MEIS2: variants seen among roughly 807,000 people sequenced by gnomAD.
The protein encoded by MEIS2 is Meis homeobox 2.
MEIS2 carries 9 observed loss-of-function variants against 58.6 expected under a neutral mutation model. That is an observed-to-expected ratio of 0.15 (90% CI 0.09 to 0.27). MEIS2 has a LOEUF of 0.27. Among genes scored for constraint, MEIS2 ranks in the 10% least tolerant of loss-of-function variants. The pLI, the probability that MEIS2 is intolerant of heterozygous loss-of-function variation, is 1.00. For missense variants in MEIS2, 427 were observed against 635.0 expected, an observed-to-expected ratio of 0.67 and a Z score of 3.52; for synonymous variants, 221 against 228.4, an observed-to-expected ratio of 0.97 and a Z score of 0.29.
In MEIS2 at chr15:37,031,283, G is replaced by A. The variant is rs183441743; in HGVS notation, c.900+5531C>T. Reference sequence around the variant, plus strand: ...TTCCAGGCCCTGTGCTCTTAACCTCGACATTGGACTGCCTCATTTAAGAAA... The same window carrying A: ...TTCCAGGCCCTGTGCTCTTAACCTCAACATTGGACTGCCTCATTTAAGAAA... On this transcript the variant is annotated intron_variant, in intron 8 of 11. Coordinates refer to ENST00000561208, the MANE Select transcript of MEIS2 (RefSeq NM_170675.5). Among the ~76,000 whole-genome samples, 126 of 152,150 alleles carry A rather than the reference G, an allele frequency of 8.3e-4. 1 individual carries two copies. In the East Asian group the frequency reaches 0.014, roughly 17 times the overall value.
intron 3 of MEIS2, 59 bp from the exon 4 acceptor site, chr15:37,095,673 A>C: frequency 2.5e-6 from 4 of 1,613,058 alleles, no homozygotes; most frequent in Non-Finnish European, 3.4e-6. Context: ...GAAAGCTGAA[A>C]TGTGAGAATG....
chr15:36,901,462 A>G (rs1049925541), intron 9 of MEIS2, among the ~76,000 whole-genome samples: 8 of 152,224 alleles, frequency 5.3e-5, no homozygotes, highest in African/African-American at 1.9e-4. Context: ...TGATGGAGTC[A>G]TGTCGCAGAC....
intron 8 of MEIS2, among the ~76,000 whole-genome samples, chr15:36,998,236 G>GTTTTTTTTTTTTTTTTTTTTTTTTTTTT (rs5811954): frequency 3.0e-5 from 2 of 66,754 alleles, no homozygotes; most frequent in Non-Finnish European, 5.4e-5. Context: ...AAAACACAAA[G>GTTTTTTTTTTTTTTTTTTTTTTTTTTTT]TTTTTTTTTT....
intron 8 of MEIS2, among the ~76,000 whole-genome samples, chr15:36,994,649 A>G (rs551695943): frequency 6.6e-6 from 1 of 152,280 alleles, no homozygotes; most frequent in East Asian, 1.9e-4. Flanking sequence ...ATCCTATCCC[A>G]TCATGGAAAA....
intron 8 of MEIS2, among the ~76,000 whole-genome samples, chr15:36,997,500 T>C (rs1303216549): frequency 6.6e-6 from 1 of 151,774 alleles, no homozygotes; most frequent in Non-Finnish European, 1.5e-5. Context: ...TTTTTTTTTT[T>C]TTTTGAGACA....
chr15:36,998,421 C>T (rs961832343), intron 8 of MEIS2, among the ~76,000 whole-genome samples: 1 of 151,540 alleles, frequency 6.6e-6, no homozygotes, highest in Admixed American at 6.6e-5. Flanking sequence ...GGGTCTCGCT[C>T]TGTTGCTCAG....
At chr15:36,952,804 C>T (rs984163881) in intron 8 of MEIS2, among the ~76,000 whole-genome samples, 2 of 151,838 alleles carry the variant, frequency 1.3e-5, no homozygotes, top group African/African-American at 2.4e-5. Flanking sequence ...TAATTCTTTC[C>T]AGTGTTTTAT....
At position 37,056,162 on chromosome 15, in the gene MEIS2, T is replaced by A. The variant is rs1034495787; in HGVS notation, c.755-19203A>T. ...AACTGCATCAATTTTCTATAGAGAGTCTTTCTTCATGTTGAGAATAAAAAT... is the reference window on the plus strand; with the variant it reads ...AACTGCATCAATTTTCTATAGAGAGACTTTCTTCATGTTGAGAATAAAAAT... On this transcript the variant is annotated intron_variant, in intron 7 of 11. Coordinates refer to ENST00000561208, the MANE Select transcript of MEIS2 (RefSeq NM_170675.5). Among the ~76,000 whole-genome samples the A allele has an allele frequency of 2.0e-5, 3 of 152,170 alleles. No homozygotes were observed. The South Asian group carries it at 6.2e-4, about 32-fold the overall frequency.
intron 7 of MEIS2, among the ~76,000 whole-genome samples, chr15:37,058,573 A>G (rs1212799372): frequency 6.6e-6 from 1 of 152,208 alleles, no homozygotes; most frequent in African/African-American, 2.4e-5. Context: ...AGGTTGTATC[A>G]TGTGATCTGT....
chr15:37,098,371 GGAGAGGGGGA>G (rs1197231195), intron 1 of MEIS2, 172 bp from the exon 2 acceptor site: 1 of 719,002 alleles, frequency 1.4e-6, no homozygotes, highest in Non-Finnish European at 1.7e-6. Context: ...AGGAAAAGGA[GGAGAGGGGGA>G]GAGAGAGAGA....
intron 8 of MEIS2, among the ~76,000 whole-genome samples, chr15:37,012,458 A>C (rs1167940372): frequency 1.3e-5 from 2 of 152,212 alleles, no homozygotes; most frequent in Non-Finnish European, 2.9e-5. Context: ...CATGCATCCT[A>C]TTCATAGGCC....
intron 8 of MEIS2, among the ~76,000 whole-genome samples, chr15:36,999,055 A>G (rs1022640605): frequency 5.3e-5 from 8 of 152,170 alleles, no homozygotes; most frequent in African/African-American, 1.9e-4. Context: ...GTCCTCAATC[A>G]ATTCATCATT....
At chr15:37,040,047 GTT>G (rs11393172) in intron 7 of MEIS2, among the ~76,000 whole-genome samples, 2 of 145,096 alleles carry the variant, frequency 1.4e-5, no homozygotes, top group Non-Finnish European at 1.5e-5. Context: ...GGATATTGGT[GTT>G]TTTTTTTTTT....
intron 8 of MEIS2, among the ~76,000 whole-genome samples, chr15:37,004,048 T>C (rs1162494219): frequency 1.3e-5 from 2 of 152,194 alleles, no homozygotes; most frequent in African/African-American, 4.8e-5. Flanking sequence ...AGATGAAATG[T>C]AAATGAGCAA....
At chr15:36,991,060 T>C (rs1050134583) in intron 8 of MEIS2, among the ~76,000 whole-genome samples, 14 of 152,186 alleles carry the variant, frequency 9.2e-5, no homozygotes, top group African/African-American at 2.7e-4. Flanking sequence ...TGTTAAAATA[T>C]ATTATTTAAC....
At chr15:36,960,789 A>G (rs897141239) in intron 8 of MEIS2, among the ~76,000 whole-genome samples, 9 of 152,196 alleles carry the variant, frequency 5.9e-5, no homozygotes, top group African/African-American at 2.2e-4. Context: ...TCTGACTTTT[A>G]AAAACACATG....
chr15:36,946,588 CT>C (rs887494710), intron 9 of MEIS2, among the ~76,000 whole-genome samples: 4 of 151,954 alleles, frequency 2.6e-5, no homozygotes, highest in African/African-American at 7.2e-5. Flanking sequence ...TTAATGTCTT[CT>C]TTATATCATT....
intron 9 of MEIS2, among the ~76,000 whole-genome samples, chr15:36,949,375 G>A (rs995616971): frequency 1.3e-5 from 2 of 151,988 alleles, no homozygotes; most frequent in African/African-American, 2.4e-5. Context: ...CTTTGTTAAT[G>A]TCTGCCTGCC....
intron 9 of MEIS2, among the ~76,000 whole-genome samples, chr15:36,909,408 T>A (rs1323168751): frequency 1.3e-5 from 2 of 152,072 alleles, no homozygotes; most frequent in Non-Finnish European, 2.9e-5. Context: ...ACTAAATGAG[T>A]GAATGAAAAT....
Sources: allele counts gnomAD v4.1 joint callset (sites outside exome capture counted in the v4.1 genomes callset), GRCh38; gene constraint gnomAD v4.1.1; transcripts MANE v1.5; gene names NCBI Gene and HGNC (gene_info 2026-07-23, HGNC 2026-07-21).